ANKS1B: variants seen among roughly 807,000 people sequenced by gnomAD.
The protein encoded by ANKS1B is ankyrin repeat and sterile alpha motif domain containing 1B.
A neutral mutation model predicts 148.3 loss-of-function variants in ANKS1B; 36 were observed. The observed-to-expected ratio is 0.24, with a 90% CI of 0.19 to 0.32. ANKS1B has a LOEUF of 0.32. Among genes scored for constraint, ANKS1B ranks in the 10% least tolerant of loss-of-function variants. The pLI, the probability that ANKS1B is intolerant of heterozygous loss-of-function variation, is 1.00. For missense variants in ANKS1B, 1,157 were observed against 1,542.6 expected (o/e 0.75, Z 4.19); for synonymous variants, 542 against 560.8 (o/e 0.97, Z 0.47).
At chr12:99,077,299 G>A (rs1462075229) in intron 16 of ANKS1B, among the ~76,000 whole-genome samples, 1 of 152,158 alleles carries the variant, frequency 6.6e-6, no homozygotes, top group African/African-American at 2.4e-5. Context: ...GATGTCCACT[G>A]GGTGGTAGGC....
chr12:99,358,417 T>C (rs2092210945), intron 12 of ANKS1B, among the ~76,000 whole-genome samples: 1 of 152,242 alleles, frequency 6.6e-6, no homozygotes, highest in Middle Eastern at 3.4e-3. Flanking sequence ...GCTTCCCCTA[T>C]AAAATATCAT....
At chr12:98,916,631 A>G (rs942692997) in intron 17 of ANKS1B, among the ~76,000 whole-genome samples, 3 of 152,248 alleles carry the variant, frequency 2.0e-5, no homozygotes, top group Non-Finnish European at 4.4e-5. Context: ...AAAATGTTTA[A>G]CAAAATATCG....
intron 10 of ANKS1B, among the ~76,000 whole-genome samples, chr12:99,481,985 C>T (rs2096418101): frequency 6.6e-6 from 1 of 151,858 alleles, no homozygotes; most frequent in African/African-American, 2.4e-5. Context: ...TGTGGGTTGA[C>T]TGTTTACTCT....
intron 10 of ANKS1B, among the ~76,000 whole-genome samples, chr12:99,460,295 C>G (rs781531364): frequency 1.3e-5 from 2 of 152,108 alleles, no homozygotes; most frequent in Non-Finnish European, 1.5e-5. Context: ...ATTCTAAGAC[C>G]TGAAACCATA....
intron 4 of ANKS1B, among the ~76,000 whole-genome samples, chr12:99,784,106 C>T (rs901657303): frequency 1.3e-5 from 2 of 151,830 alleles, no homozygotes; most frequent in African/African-American, 4.8e-5. Context: ...TCCGTCCCAT[C>T]CTTTGCCCAT....
At chr12:98,802,677 G>A (rs572577322) in intron 20 of ANKS1B, among the ~76,000 whole-genome samples, 13 of 126,236 alleles carry the variant, frequency 1.0e-4, no homozygotes, top group African/African-American at 3.7e-4. Flanking sequence ...GGGTCACTTC[G>A]ACTCGCAGAA....
At chr12:98,844,524 G>A (rs201393) in intron 17 of ANKS1B, among the ~76,000 whole-genome samples, 113,529 of 152,112 alleles carry the variant, frequency 0.75, 42,709 homozygotes, top group East Asian at 0.99. Context: ...AAACTTTATT[G>A]ACTTTCTTTT....
chr12:99,544,802 T>G (rs1324501702), intron 9 of ANKS1B, among the ~76,000 whole-genome samples: 7 of 152,168 alleles, frequency 4.6e-5, no homozygotes, highest in Middle Eastern at 3.2e-3. Flanking sequence ...CCTGGTCCCA[T>G]GCTGATAACC....
chr12:99,025,189 T>C (rs1456963463), intron 17 of ANKS1B, among the ~76,000 whole-genome samples: 1 of 152,182 alleles, frequency 6.6e-6, no homozygotes, highest in Non-Finnish European at 1.5e-5. Context: ...GATTCATACA[T>C]TTTCTCTTCA....
At chr12:99,836,780 T>C (rs2084922249) in intron 1 of ANKS1B, among the ~76,000 whole-genome samples, 1 of 152,204 alleles carries the variant, frequency 6.6e-6, no homozygotes, top group Non-Finnish European at 1.5e-5. Context: ...TCTGCATAGA[T>C]ATAATTCCTG....
intron 3 of ANKS1B, among the ~76,000 whole-genome samples, chr12:99,810,785 T>G (rs1344835421): frequency 1.3e-5 from 2 of 152,052 alleles, no homozygotes; most frequent in Non-Finnish European, 2.9e-5. Context: ...TAAAAACATC[T>G]TGTTTGTAAA....
intron 25 of ANKS1B, among the ~76,000 whole-genome samples, chr12:98,761,526 C>T (rs2098405507): frequency 6.6e-6 from 1 of 152,170 alleles, no homozygotes; most frequent in African/African-American, 2.4e-5. Context: ...ACTCCATGGT[C>T]TGTATATTGA....
intron 20 of ANKS1B, among the ~76,000 whole-genome samples, chr12:98,804,127 T>C (rs558433039): frequency 6.6e-5 from 10 of 152,344 alleles, no homozygotes; most frequent in African/African-American, 2.2e-4. Flanking sequence ...AGTGATCTGA[T>C]AGGATTTTCC....
Position 98,744,647 on chromosome 12 carries a change from T to A in ANKS1B, c.*1092A>T, listed in dbSNP as rs914213820. 4.5e-6 allele frequency: 4 copies of A among 887,866 alleles called. No individual in the cohort carries two copies. In the African/African-American group the frequency reaches 7.2e-5, roughly 16 times the overall value. The allele number at this position is 887,866 out of a possible 1,614,324, so 55.0% of individuals were successfully genotyped here. On this transcript the variant is annotated 3_prime_UTR_variant, in exon 27 of 27. Coordinates refer to ENST00000683438, the MANE Select transcript of ANKS1B (RefSeq NM_001352186.2). ...TAAGCAAACTTTTTTTTTGTTTGTC[T>A]CAAGAAAAGTTTTATTACTTTGGAA...
chr12:99,103,397 TCTC>T (rs2058445905), intron 15 of ANKS1B, among the ~76,000 whole-genome samples: 1 of 152,160 alleles, frequency 6.6e-6, no homozygotes, highest in African/African-American at 2.4e-5. Context: ...CTTCGACATC[TCTC>T]CTATCTTGAT....
intron 8 of ANKS1B, among the ~76,000 whole-genome samples, chr12:99,664,273 CTTTG>C (rs1439143006): frequency 1.3e-5 from 2 of 151,482 alleles, no homozygotes; most frequent in Non-Finnish European, 2.9e-5. Context: ...AAGTTTACTT[CTTTG>C]TTTTAAAATA....
At chr12:98,777,135 G>A (rs966244300) in intron 24 of ANKS1B, among the ~76,000 whole-genome samples, 5 of 152,192 alleles carry the variant, frequency 3.3e-5, no homozygotes, top group African/African-American at 1.2e-4. Flanking sequence ...TGAGGTTACA[G>A]TGAGCCGTGG....
chr12:99,825,216 C>G (rs1361633980), intron 2 of ANKS1B, 93 bp downstream of exon 2: 1 of 1,088,090 alleles, frequency 9.2e-7, no homozygotes, highest in Non-Finnish European at 1.4e-6. Context: ...CCATTGGACT[C>G]ACAGAGACAT....
At chr12:99,144,625 G>A (rs1219605673) in intron 15 of ANKS1B, among the ~76,000 whole-genome samples, 1 of 151,972 alleles carries the variant, frequency 6.6e-6, no homozygotes, top group African/African-American at 2.4e-5. Flanking sequence ...AAATTTATAT[G>A]TTGGAGTTCT....
Sources: gnomAD v4.1 joint callset for allele counts (sites outside exome capture counted in the v4.1 genomes callset) on GRCh38, gnomAD v4.1.1 for gene constraint, MANE v1.5 for transcripts, NCBI Gene and HGNC (gene_info 2026-07-23, HGNC 2026-07-21) for gene names.